The following TDRD10 variants were observed in gnomAD, a reference collection of about 807,000 sequenced individuals.
TDRD10 encodes tudor domain-containing protein 10.
TDRD10 carries 40 observed loss-of-function variants against 48.0 expected under a neutral mutation model. The observed-to-expected ratio is 0.83, with a 90% CI of 0.65 to 1.09. The LOEUF (loss-of-function observed/expected upper bound fraction) is 1.09. Ranked by LOEUF, TDRD10 falls within the 50% of genes least tolerant of loss-of-function variation. The pLI, the probability that TDRD10 is intolerant of heterozygous loss-of-function variation, is 0.00. For missense variants in TDRD10, 378 were observed against 434.7 expected (o/e 0.87, Z 1.16); for synonymous variants, 162 against 170.4 (o/e 0.95, Z 0.38).
intron 4 of TDRD10, among the ~76,000 whole-genome samples, chr1:154,518,631 G>C (rs993661627): frequency 6.6e-6 from 1 of 152,070 alleles, no homozygotes; most frequent in East Asian, 1.9e-4. Flanking sequence ...GGGTTTCACC[G>C]TGTTAGCCAG....
At chr1:154,511,017 G>A (rs1274650419) in intron 4 of TDRD10, among the ~76,000 whole-genome samples, 1 of 151,866 alleles carries the variant, frequency 6.6e-6, no homozygotes, top group Non-Finnish European at 1.5e-5. Flanking sequence ...CTGCACTCCA[G>A]CCTGGGAGAT....
intron 6 of TDRD10, 50 bp from the exon 7 acceptor site, chr1:154,541,974 T>TA: frequency 6.3e-7 from 1 of 1,596,388 alleles, no homozygotes; most frequent in Non-Finnish European, 8.6e-7. Flanking sequence ...TAGAAATCAA[T>TA]AAAACAAATG....
In TDRD10 at chr1:154,521,457, T is replaced by G. The variant is rs1465879217; in HGVS notation, c.347T>G (p.Ile116Ser). 10 of 1,613,980 alleles carry G rather than the reference T, an allele frequency of 6.2e-6. No homozygotes were observed. The highest frequency in any genetic ancestry group is 2.2e-5 in the East Asian group (1 of 44,882). Reference sequence around the variant, plus strand: ...CCCCCCAAGAGGACCCCTGATATGATCCAGCAGCCTCGGGCCCCGCTGGTA... The same window carrying G: ...CCCCCCAAGAGGACCCCTGATATGAGCCAGCAGCCTCGGGCCCCGCTGGTA... ...KRPPKRTPDM[I>S]QQPRAPLVLE... The change falls in exon 6 of 13, where the codon ATC becomes AGC. Residue 116 changes from isoleucine (I) to serine (S), a missense_variant. This residue lies in a region of TDRD10 where 310 missense variants were observed against 323.6 expected (regional missense o/e 0.96). Transcript: ENST00000368482.
intron 4 of TDRD10, among the ~76,000 whole-genome samples, chr1:154,517,452 G>A (rs1440906622): frequency 6.3e-5 from 9 of 143,332 alleles, no homozygotes; most frequent in African/African-American, 2.1e-4. Flanking sequence ...ACGGAGTCTC[G>A]TTCTTGTTGC....
chr1:154,506,892 A>G lies in TDRD10; in HGVS notation c.-12A>G, dbSNP rs1693181184. The G allele has an allele frequency of 2.1e-5, 34 of 1,614,166 alleles. No homozygotes were observed. The highest frequency in any genetic ancestry group is 2.8e-5 in the Non-Finnish European group (33 of 1,180,020). ...GGTTTTGTAGGAGATCCTGTTGGAA[A>G]GCAACTGCAGCATGTAAGTCCCTTC... On this transcript the variant is annotated 5_prime_UTR_variant, in exon 2 of 13. Transcript: ENST00000368482.
At chr1:154,508,577 G>A (rs1693276273) in intron 4 of TDRD10, 96 bp downstream of exon 4, 3 of 848,272 alleles carry the variant, frequency 3.5e-6, no homozygotes, top group South Asian at 1.4e-5. Context: ...TTTTAAAGAC[G>A]TTTGAGAGCT....
chr1:154,519,847 A>C (rs551452438), intron 4 of TDRD10, among the ~76,000 whole-genome samples: 1 of 152,170 alleles, frequency 6.6e-6, no homozygotes, highest in South Asian at 2.1e-4. Context: ...GCAGACTAGG[A>C]GAGGAGAAGG....
At chr1:154,535,317 A>C (rs1385112477) in intron 6 of TDRD10, among the ~76,000 whole-genome samples, 2 of 151,602 alleles carry the variant, frequency 1.3e-5, no homozygotes, top group Non-Finnish European at 2.9e-5. Flanking sequence ...CAGTGAGCTG[A>C]GATCATGCCA....
chr1:154,522,883 C>T (rs1294375651), intron 6 of TDRD10, among the ~76,000 whole-genome samples: 1 of 152,026 alleles, frequency 6.6e-6, no homozygotes, highest in Non-Finnish European at 1.5e-5. Flanking sequence ...GTGGATGATT[C>T]GACTAAGAGT....
chr1:154,507,284 G>A lies in TDRD10; in HGVS notation c.46G>A (p.Gly16Arg). The A allele has an allele frequency of 6.2e-7, 1 of 1,614,104 alleles. No individual in the cohort carries two copies. Residue 16 changes from glycine to arginine, a missense_variant, in exon 3 of 13, where the codon GGG becomes AGG. By Grantham distance (125) the Gly-to-Arg change is moderately radical. Around this residue, in one of 2 missense-constraint regions of TDRD10, gnomAD observed 310 missense variants for 323.6 expected, o/e 0.96. Coordinates refer to ENST00000368482, the MANE Select transcript of TDRD10 (RefSeq NM_182499.4). ...CCCCCAACTCTCTGATAAACTGTTT[G>A]GGAAGAATGGAGTGTTGGAGGAGCA... ...SHPQLSDKLF[G>R]KNGVLEEQKS... is the part of the protein sequence containing the mutation.
At chr1:154,538,126 A>T (rs1205735663) in intron 6 of TDRD10, among the ~76,000 whole-genome samples, 2 of 152,258 alleles carry the variant, frequency 1.3e-5, no homozygotes, top group East Asian at 1.9e-4. Context: ...CGGGCTTGTT[A>T]TATTTATCAC....
intron 4 of TDRD10, among the ~76,000 whole-genome samples, chr1:154,516,970 A>T (rs1013596891): frequency 6.6e-6 from 1 of 152,140 alleles, no homozygotes; most frequent in Non-Finnish European, 1.5e-5. Context: ...CAGCAAGGAC[A>T]TTGTAGGTTC....
chr1:154,506,978 T>C, intron 2 of TDRD10, 73 bp downstream of exon 2: 1 of 1,613,824 alleles, frequency 6.2e-7, no homozygotes, highest in Non-Finnish European at 8.5e-7. Flanking sequence ...CATTCCTGTC[T>C]CACCATGCCC....
intron 3 of TDRD10, among the ~76,000 whole-genome samples, chr1:154,507,934 C>T (rs1197645646): frequency 5.3e-5 from 8 of 152,192 alleles, no homozygotes; most frequent in Admixed American, 5.2e-4. Flanking sequence ...GTGCTCCCCA[C>T]TCTCAGCTTA....
intron 6 of TDRD10, among the ~76,000 whole-genome samples, chr1:154,538,074 T>C (rs988438433): frequency 5.9e-5 from 9 of 152,340 alleles, no homozygotes; most frequent in Non-Finnish European, 1.0e-4. Context: ...ATGATAATTA[T>C]GTAGATTTTC....
intron 1 of TDRD10, among the ~76,000 whole-genome samples, chr1:154,506,296 C>T (rs1171760320): frequency 6.6e-6 from 1 of 152,146 alleles, no homozygotes; most frequent in Non-Finnish European, 1.5e-5. Flanking sequence ...GCGGCCCCTT[C>T]CTCCATCTTC....
At chr1:154,543,780 G>C (rs557304913) in intron 8 of TDRD10, among the ~76,000 whole-genome samples, 183 bp from the exon 9 acceptor site, 1 of 152,262 alleles carries the variant, frequency 6.6e-6, no homozygotes, top group Admixed American at 6.5e-5. Context: ...CTCTGCCGTG[G>C]ACTGGGATTA....
chr1:154,544,185 G>A (rs1695418292), intron 9 of TDRD10, 75 bp downstream of exon 9: 6 of 1,604,294 alleles, frequency 3.7e-6, no homozygotes, highest in Non-Finnish European at 5.1e-6. Flanking sequence ...CATGGTGACG[G>A]GGCCGGTCAG....
In TDRD10 at chr1:154,515,707, T is replaced by C. The variant is rs576879747; in HGVS notation, c.142-4597T>C. ...CCACCATCGAACTCACCACACCTGC[T>C]GCTTACTCCTCTTTTTTATTTTTTG... On this transcript the variant is annotated intron_variant, in intron 4 of 12. Transcript: ENST00000368482. Among the ~76,000 whole-genome samples, 293 of 152,314 alleles carry C rather than the reference T, an allele frequency of 1.9e-3. 1 individual carries two copies. Among genetic ancestry groups the C allele is most frequent in the African/African-American group, 6.7e-3 (280 of 41,562 alleles).
Sources: allele counts gnomAD v4.1 joint callset (sites outside exome capture counted in the v4.1 genomes callset), GRCh38; gene constraint gnomAD v4.1.1; regional missense constraint gnomAD v4.1.1; transcripts MANE v1.5; gene names NCBI Gene and HGNC (gene_info 2026-07-23, HGNC 2026-07-21).